The following ADGRV1 variants were observed in gnomAD, a reference collection of about 807,000 sequenced individuals.
ADGRV1 encodes the protein G-protein coupled receptor 98.
A neutral mutation model predicts 596.2 loss-of-function variants in ADGRV1; 359 were observed. The ratio of observed to expected loss-of-function variants is 0.60; its 90% CI spans 0.55 to 0.66. The LOEUF (loss-of-function observed/expected upper bound fraction) is 0.66, where lower values mean the gene tolerates loss of function less well. Among genes scored for constraint, ADGRV1 ranks in the 30% least tolerant of loss-of-function variants. The probability of loss-of-function intolerance (pLI) is 0.00; values close to 1 mark genes in which losing one functional copy is unlikely to be tolerated. For synonymous variants in ADGRV1, 2,681 were observed against 2,679.2 expected, an observed-to-expected ratio of 1.00 and a Z score of -0.02; for missense variants, 7,274 against 7,575.6, an observed-to-expected ratio of 0.96 and a Z score of 1.48.
chr5:90,997,505 C>A (rs1781517699), intron 85 of ADGRV1, among the ~76,000 whole-genome samples: 1 of 152,180 alleles, frequency 6.6e-6, no homozygotes, highest in Non-Finnish European at 1.5e-5. Flanking sequence ...GTCAATTAAA[C>A]CTCTTTTCTT....
intron 32 of ADGRV1, among the ~76,000 whole-genome samples, chr5:90,693,567 T>C (rs1746772627): frequency 1.3e-5 from 2 of 152,192 alleles, no homozygotes; most frequent in Non-Finnish European, 1.5e-5. Context: ...ATGTTTGTTA[T>C]CATTGTTACT....
chr5:91,109,688 T>A (rs1792196947), intron 87 of ADGRV1, among the ~76,000 whole-genome samples: 1 of 152,182 alleles, frequency 6.6e-6, no homozygotes, highest in African/African-American at 2.4e-5. Flanking sequence ...GAAGACCAGA[T>A]GGTACCATCC....
At chr5:90,894,189 T>C (rs926643932) in intron 83 of ADGRV1, among the ~76,000 whole-genome samples, 2 of 152,188 alleles carry the variant, frequency 1.3e-5, no homozygotes, top group Non-Finnish European at 2.9e-5. Context: ...CCCCACCCTA[T>C]GGCACATGCT....
At chr5:90,646,962 C>T (rs10052866) in intron 16 of ADGRV1, among the ~76,000 whole-genome samples, 3,081 of 151,870 alleles carry the variant, frequency 0.02, 98 homozygotes, top group African/African-American at 0.071. Flanking sequence ...TTAGTAGAGA[C>T]GGGTTTTCAC....
At chr5:90,974,932 A>T (rs1327521444) in intron 84 of ADGRV1, among the ~76,000 whole-genome samples, 1 of 152,240 alleles carries the variant, frequency 6.6e-6, no homozygotes, top group African/African-American at 2.4e-5. Context: ...AATGGTAGAA[A>T]AGTTTTGCAA....
At chr5:90,576,746 C>A (rs113600737) in intron 1 of ADGRV1, among the ~76,000 whole-genome samples, 1 of 152,064 alleles carries the variant, frequency 6.6e-6, no homozygotes, top group African/African-American at 2.4e-5. Context: ...AGTCTGAAAG[C>A]GTTCCTATTT....
Position 90,685,848 on chromosome 5 carries a change from G to T in ADGRV1, c.6343G>T (p.Asp2115Tyr). 2 of 1,612,324 alleles carry T rather than the reference G, an allele frequency of 1.2e-6. No homozygotes were observed. Among genetic ancestry groups the T allele is most frequent in the Non-Finnish European group, 1.7e-6 (2 of 1,178,828 alleles). ...IAQLIIIAND[D>Y]AFGTLQLSAP... Reference sequence around the variant, plus strand: ...GCAACTAATTATCATTGCCAATGATGATGCATTTGGAACTCTTCAGCTCTC... The same window carrying T: ...GCAACTAATTATCATTGCCAATGATTATGCATTTGGAACTCTTCAGCTCTC... Residue 2115 changes from aspartate to tyrosine, a missense_variant, in exon 29 of 90, where the codon GAT becomes TAT. Asp to Tyr is a radical substitution (Grantham distance 160). Around this residue, in one of 5 missense-constraint regions of ADGRV1, gnomAD observed 3,643 missense variants for 3,809.2 expected, o/e 0.96. Transcript: ENST00000405460.
intron 87 of ADGRV1, among the ~76,000 whole-genome samples, chr5:91,107,179 G>T (rs1407456326): frequency 6.7e-6 from 1 of 150,156 alleles, no homozygotes; most frequent in Non-Finnish European, 1.5e-5. Context: ...GCTGGTCTGG[G>T]AACTACAGTT....
intron 68 of ADGRV1, 42 bp downstream of exon 68, chr5:90,788,352 G>A (rs745598887): frequency 3.9e-6 from 6 of 1,527,624 alleles, no homozygotes; most frequent in Middle Eastern, 2.2e-4. Flanking sequence ...TGGATTTCAT[G>A]GATTTATCAG....
intron 86 of ADGRV1, among the ~76,000 whole-genome samples, chr5:91,097,747 T>G (rs79603235): frequency 1.3e-5 from 2 of 150,408 alleles, no homozygotes; most frequent in Admixed American, 6.6e-5. Context: ...CTATTTCTTG[T>G]TTTTTTGATA....
chr5:90,588,162 T>G (rs528614734), intron 1 of ADGRV1, among the ~76,000 whole-genome samples: 2 of 152,322 alleles, frequency 1.3e-5, no homozygotes, highest in African/African-American at 4.8e-5. Flanking sequence ...GTTGCTTTAT[T>G]TCAGTTATTT....
At chr5:90,850,806 G>A (rs530118764) in intron 79 of ADGRV1, 16 of 152,316 alleles carry the variant, frequency 1.1e-4, no homozygotes, top group Admixed American at 9.8e-4. Context: ...CTTATAAGAT[G>A]CACAGAAAGA....
intron 85 of ADGRV1, among the ~76,000 whole-genome samples, chr5:91,016,183 A>G (rs1783155971): frequency 6.6e-6 from 1 of 152,006 alleles, no homozygotes; most frequent in African/African-American, 2.4e-5. Flanking sequence ...ATTATTAATC[A>G]GCCTTTAATT....
chr5:90,727,848 C>G (rs1752006437), intron 48 of ADGRV1, among the ~76,000 whole-genome samples: 1 of 152,174 alleles, frequency 6.6e-6, no homozygotes, highest in Non-Finnish European at 1.5e-5. Context: ...CAGATAATGA[C>G]AAATTTTTTC....
Position 90,965,510 on chromosome 5 carries a change from G to C in ADGRV1, c.17952G>C (p.Gln5984His), listed in dbSNP as rs763549302. ...TCACACATTACCTGTATCTTTGCCA[G>C]TTTAGCTGGATGCTCATTCAGGTTG... Reference protein sequence around the residue: ...AAVTHYLYLCQFSWMLIQSVN... With the variant: ...AAVTHYLYLCHFSWMLIQSVN... The change falls in exon 84 of 90, where the codon CAG becomes CAC. Residue 5984 changes from glutamine (Q) to histidine (H), a missense_variant. This residue lies in a region of ADGRV1 where 1,874 missense variants were observed against 1,970.2 expected (regional missense o/e 0.95). Transcript: ENST00000405460. 1 of 1,610,692 alleles carries C rather than the reference G, an allele frequency of 6.2e-7. No homozygotes were observed. Among genetic ancestry groups the C allele is most frequent in the Non-Finnish European group, 8.5e-7 (1 of 1,177,398 alleles).
chr5:90,767,506 T>G (rs962269441), intron 59 of ADGRV1, among the ~76,000 whole-genome samples: 10 of 152,162 alleles, frequency 6.6e-5, no homozygotes, highest in African/African-American at 2.2e-4. Flanking sequence ...CAAATAAATT[T>G]TAAAAACCTA....
chr5:91,087,659 A>G, intron 86 of ADGRV1, among the ~76,000 whole-genome samples: 1 of 152,280 alleles, frequency 6.6e-6, no homozygotes, highest in South Asian at 2.1e-4. Flanking sequence ...GAAGAAATAT[A>G]TTTCTTGAAT....
rs1746250826 is a variant in ADGRV1 at position 90,689,955 on chromosome 5, T to G, written c.6585T>G (p.Pro2195=). ...VPIYVINDIY[P]ELEESFLVQL... is the part of the protein sequence containing the mutation. ...TATATGTCATTAATGATATCTATCC[T>G]GAACTGGAAGAATCTTTTCTTGTGC... is the stretch of plus-strand genomic sequence containing the variant. The change falls in exon 30 of 90, where the codon CCT becomes CCG. Residue 2195 remains proline (P), a synonymous_variant. Transcript: ENST00000405460. 1.2e-6 allele frequency: 2 copies of G among 1,612,158 alleles called. No individual in the cohort carries two copies. Among genetic ancestry groups the G allele is most frequent in the Non-Finnish European group, 1.7e-6 (2 of 1,178,962 alleles).
chr5:90,756,871 C>A, intron 56 of ADGRV1, 108 bp from the exon 57 acceptor site: 1 of 941,636 alleles, frequency 1.1e-6, no homozygotes, highest in Non-Finnish European at 1.6e-6. Flanking sequence ...TTAATTTCTA[C>A]TTTAAAGGGT....
Sources: gnomAD v4.1 joint callset for allele counts (sites outside exome capture counted in the v4.1 genomes callset) on GRCh38, gnomAD v4.1.1 for gene constraint, gnomAD v4.1.1 regional missense constraint, MANE v1.5 for transcripts, NCBI Gene and HGNC (gene_info 2026-07-23, HGNC 2026-07-21) for gene names.